Variants in MED17 observed in about 807,000 individuals in gnomAD.
The protein encoded by MED17 is mediator complex subunit 17.
MED17 carries 49 observed loss-of-function variants against 80.8 expected under a neutral mutation model. The observed-to-expected ratio is 0.61, with a 90% confidence interval of 0.48 to 0.77. The LOEUF (loss-of-function observed/expected upper bound fraction) is 0.77, where lower values mean the gene tolerates loss of function less well. Among genes scored for constraint, MED17 ranks in the 30% least tolerant of loss-of-function variants. The pLI is 0.00. For synonymous variants in MED17, 281 were observed against 280.4 expected, an observed-to-expected ratio of 1.00 and a Z score of -0.02; for missense variants, 718 against 787.0, an observed-to-expected ratio of 0.91 and a Z score of 1.05.
rs200053372 is a variant in MED17, at chr11:93,794,072, T to C, written c.859+37T>C. The C allele has an allele frequency of 8.0e-6, 12 of 1,508,460 alleles. No homozygotes were observed. The East Asian group carries it at 2.3e-4, about 28-fold the overall frequency. 93.4% of individuals were successfully genotyped at this position (1,508,460 alleles called of 1,614,324 possible). A position where few individuals can be genotyped will look rare whatever the true frequency, so the allele number is the denominator to read the frequency against. On this transcript the variant is annotated intron_variant, in intron 5 of 11. Transcript: ENST00000251871. ...TTCTATTCTCTAATTTCTGGTCTTA[T>C]TTGAGCTGACATTTTAAAATAAACT... is the stretch of plus-strand genomic sequence containing the variant.
intron 2 of MED17, chr11:93,789,445 T>C (rs1014004480): frequency 1.3e-5 from 2 of 152,218 alleles, no homozygotes; most frequent in Non-Finnish European, 2.9e-5. Context: ...TCTTAATATC[T>C]CCAGGAACTC....
rs752096341 is a variant in MED17 at position 93,790,599 on chromosome 11, C to G, written c.443C>G (p.Ser148Cys). ...KQNPQTLQLI[S>C]KKKSLAGAAQ... ...AATCCTCAGACGTTGCAATTGATAT[C>G]TAAAAAGAAGTCACTTGCTGGAGCA... Residue 148 changes from serine to cysteine, a missense_variant, in exon 3 of 12, where the codon TCT becomes TGT. Physicochemically the swap from Ser to Cys is moderately radical, Grantham distance 112. Coordinates refer to ENST00000251871, the MANE Select transcript of MED17 (RefSeq NM_004268.5). 1.2e-6 allele frequency: 2 copies of G among 1,614,066 alleles called. No individual in the cohort carries two copies. Among genetic ancestry groups the G allele is most frequent in the Non-Finnish European group, 1.7e-6 (2 of 1,180,000 alleles).
intron 2 of MED17, chr11:93,790,234 A>G (rs956467766): frequency 7.4e-6 from 3 of 403,010 alleles, no homozygotes; most frequent in African/African-American, 4.2e-5. Context: ...AAAAGGTTAT[A>G]TATAACTATA....
At chr11:93,785,834 T>A (rs1943763590) in intron 1 of MED17, among the ~76,000 whole-genome samples, 1 of 152,148 alleles carries the variant, frequency 6.6e-6, no homozygotes, top group Admixed American at 6.5e-5. Context: ...AGGGAGCTCC[T>A]GCCTCTACAA....
intron 1 of MED17, 137 bp downstream of exon 1, chr11:93,784,900 C>G: frequency 8.0e-7 from 1 of 1,254,820 alleles, no homozygotes. Flanking sequence ...CGTAAGGATA[C>G]TTGGTCGTCA....
chr11:93,787,440 C>CCGT (rs1310718146), intron 1 of MED17, among the ~76,000 whole-genome samples: 1 of 151,852 alleles, frequency 6.6e-6, no homozygotes, highest in Non-Finnish European at 1.5e-5. Flanking sequence ...AAAAGAAAGG[C>CCGT]TACGCTCCAT....
At chr11:93,810,838 A>C (rs1944079568) in intron 11 of MED17, 1 of 152,254 alleles carries the variant, frequency 6.6e-6, no homozygotes, top group South Asian at 2.1e-4. Flanking sequence ...TACTTTAAAA[A>C]TACAGTCATG....
chr11:93,793,112 CTCTT>C (rs1387242375), intron 3 of MED17: 1 of 21,034 alleles, frequency 4.8e-5, no homozygotes, highest in African/African-American at 8.3e-5. Context: ...AGGAGTACAC[CTCTT>C]TTTTTTTTTT....
At position 93,790,735 on chromosome 11, in the gene MED17, C is replaced by G; in HGVS notation, c.579C>G (p.His193Gln). 6.2e-7 allele frequency: 1 copy of G among 1,614,232 alleles called. No individual in the cohort carries two copies. Among genetic ancestry groups the G allele is most frequent in the Non-Finnish European group, 8.5e-7 (1 of 1,180,046 alleles). Residue 193 changes from histidine to glutamine, a missense_variant, in exon 3 of 12, where the codon CAC becomes CAG. Physicochemically the swap from His to Gln is conservative, Grantham distance 24. Transcript: ENST00000251871. ...FNSELLRLRQ[H>Q]WKLRKVGDKI... Reference sequence around the variant, plus strand: ...CTGAGCTTTTGCGATTACGGCAACACTGGAAACTTCGAAAAGTTGGAGATA... The same window carrying G: ...CTGAGCTTTTGCGATTACGGCAACAGTGGAAACTTCGAAAAGTTGGAGATA...
At chr11:93,786,561 G>T (rs1943773122) in intron 1 of MED17, among the ~76,000 whole-genome samples, 1 of 151,984 alleles carries the variant, frequency 6.6e-6, no homozygotes. Flanking sequence ...CTGCCTCCTG[G>T]ATTCAAAACG....
chr11:93,788,597 C>G (rs1322682244), intron 2 of MED17: 1 of 158,164 alleles, frequency 6.3e-6, no homozygotes, highest in Non-Finnish European at 1.4e-5. Context: ...AGGAGAATTG[C>G]TTGAGCCTGG....
chr11:93,802,555 G>A (rs1234731540), intron 9 of MED17, among the ~76,000 whole-genome samples: 2 of 152,112 alleles, frequency 1.3e-5, no homozygotes, highest in Non-Finnish European at 2.9e-5. Flanking sequence ...AATGAACCCC[G>A]GCACTGAGCA....
At position 93,813,131 on chromosome 11, in the gene MED17, T is replaced by C. The variant is rs778462403; in HGVS notation, c.*1067T>C. The C allele has an allele frequency of 6.6e-6, 1 of 152,244 alleles. No individual in the cohort carries two copies. Among genetic ancestry groups the C allele is most frequent in the African/African-American group, 2.4e-5 (1 of 41,468 alleles). The allele number at this position is 152,244 out of a possible 1,614,324, so 9.4% of individuals were successfully genotyped here. On this transcript the variant is annotated 3_prime_UTR_variant, in exon 12 of 12. Coordinates refer to ENST00000251871, the MANE Select transcript of MED17 (RefSeq NM_004268.5). Reference sequence around the variant, plus strand: ...AGTGCCTAAAGTGTGCCCATTAATATGAGGATAGATTTAGGCTCATAAGCC... The same window carrying C: ...AGTGCCTAAAGTGTGCCCATTAATACGAGGATAGATTTAGGCTCATAAGCC...
At chr11:93,793,201 C>A (rs1238816600) in intron 3 of MED17, 1 of 148,188 alleles carries the variant, frequency 6.7e-6, no homozygotes, top group African/African-American at 2.5e-5. Context: ...TCACCACAAC[C>A]TCCATCTCCC....
At chr11:93,794,158 T>C (rs969847794) in intron 5 of MED17, 123 bp downstream of exon 5, 2 of 767,940 alleles carry the variant, frequency 2.6e-6, no homozygotes, top group African/African-American at 1.8e-5. Flanking sequence ...CAAAATATAC[T>C]TCTAAAATTT....
In MED17 at chr11:93,812,088, A is replaced by T; in HGVS notation, c.*24A>T. ...GATTTTTTCCAGATGTTTCCTAAAG[A>T]AGTTTCCAGAAACTTTGACTTGAAA... On this transcript the variant is annotated 3_prime_UTR_variant, in exon 12 of 12. Coordinates refer to ENST00000251871, the MANE Select transcript of MED17 (RefSeq NM_004268.5). The T allele has an allele frequency of 6.2e-7, 1 of 1,600,834 alleles. No homozygotes were observed. The highest frequency in any genetic ancestry group is 8.6e-7 in the Non-Finnish European group (1 of 1,168,066).
intron 2 of MED17, chr11:93,790,335 G>T (rs1337276624): frequency 3.5e-6 from 2 of 576,646 alleles, no homozygotes; most frequent in Non-Finnish European, 6.5e-6. Flanking sequence ...GGACAGAGTT[G>T]ATGCAATGGT....
intron 2 of MED17, chr11:93,790,366 T>C: frequency 1.7e-6 from 1 of 599,792 alleles, no homozygotes; most frequent in Non-Finnish European, 3.0e-6. Flanking sequence ...TAGAGGCCAT[T>C]GTAGTGTTTT....
Position 93,797,530 on chromosome 11 carries a change from G to C in MED17, c.1144-5G>C, listed in dbSNP as rs199751167. ...ATTGGTATTTAAAATGGCTGTTTTT[G>C]TTAGTTTCATAAACAGACCTTGAGT... On this transcript the variant is annotated splice_region_variant and splice_polypyrimidine_tract_variant and intron_variant, in intron 7 of 11. Coordinates refer to ENST00000251871, the MANE Select transcript of MED17 (RefSeq NM_004268.5). The C allele has an allele frequency of 1.9e-6, 3 of 1,613,486 alleles. No homozygotes were observed. The African/African-American group carries it at 4.0e-5, about 22-fold the overall frequency.
Sources: gnomAD v4.1 joint callset for allele counts (sites outside exome capture counted in the v4.1 genomes callset) on GRCh38, gnomAD v4.1.1 for gene constraint, MANE v1.5 for transcripts, NCBI Gene and HGNC (gene_info 2026-07-23, HGNC 2026-07-21) for gene names.